Variants in CTNNA3 observed in about 807,000 individuals in gnomAD.
The protein encoded by CTNNA3 is catenin alpha 3.
In CTNNA3, 76 loss-of-function variants were observed where a neutral mutation model predicts 95.7. That is an observed-to-expected ratio of 0.79 (90% CI 0.66 to 0.96). CTNNA3 has a LOEUF of 0.96. CTNNA3 is among the 40% of genes least tolerant of loss of function. CTNNA3 has a pLI of 0.00. For missense variants in CTNNA3, 1,191 were observed against 1,089.8 expected, an observed-to-expected ratio of 1.09 and a Z score of -1.31; for synonymous variants, 431 against 374.4, an observed-to-expected ratio of 1.15 and a Z score of -1.74.
chr10:67,198,048 T>A (rs1863457853), intron 6 of CTNNA3, among the ~76,000 whole-genome samples: 1 of 152,146 alleles, frequency 6.6e-6, no homozygotes, highest in Non-Finnish European at 1.5e-5. Flanking sequence ...CTACTCAACA[T>A]CTGAAATTTG....
At chr10:67,062,644 C>T (rs1429052780) in intron 7 of CTNNA3, among the ~76,000 whole-genome samples, 2 of 152,096 alleles carry the variant, frequency 1.3e-5, no homozygotes, top group Non-Finnish European at 2.9e-5. Flanking sequence ...TTCTTCTTTG[C>T]AAATGTTCTG....
intron 5 of CTNNA3, among the ~76,000 whole-genome samples, chr10:67,351,222 A>G (rs1842626281): frequency 6.6e-6 from 1 of 151,836 alleles, no homozygotes. Flanking sequence ...TTTGACTTCA[A>G]AGGGAGAAGA....
chr10:66,364,300 T>C, intron 12 of CTNNA3, among the ~76,000 whole-genome samples: 1 of 129,608 alleles, frequency 7.7e-6, no homozygotes, highest in Non-Finnish European at 1.8e-5. Flanking sequence ...CCCAGAACTT[T>C]GGGAGGCTGA....
At chr10:67,188,543 G>C (rs755853439) in intron 6 of CTNNA3, among the ~76,000 whole-genome samples, 23 of 152,154 alleles carry the variant, frequency 1.5e-4, no homozygotes, top group Non-Finnish European at 2.6e-4. Flanking sequence ...TATGCTGCTG[G>C]TAGAAATATA....
At chr10:67,725,741 G>A (rs1250679498) in intron 1 of CTNNA3, among the ~76,000 whole-genome samples, 1 of 151,706 alleles carries the variant, frequency 6.6e-6, no homozygotes, top group African/African-American at 2.4e-5. Context: ...TGTTCTAAAT[G>A]TTAGAGGTTG....
At chr10:67,739,676 G>A (rs927722826) in intron 1 of CTNNA3, among the ~76,000 whole-genome samples, 2 of 151,996 alleles carry the variant, frequency 1.3e-5, no homozygotes, top group Non-Finnish European at 2.9e-5. Flanking sequence ...ACAAATGGAA[G>A]AACATTCCAT....
At chr10:67,312,389 A>C (rs1444473733) in intron 5 of CTNNA3, among the ~76,000 whole-genome samples, 1 of 152,200 alleles carries the variant, frequency 6.6e-6, no homozygotes, top group Admixed American at 6.5e-5. Flanking sequence ...CATTTAAAAG[A>C]AATTTGGCTT....
intron 7 of CTNNA3, chr10:67,052,577 C>T (rs1170472658): frequency 6.6e-6 from 1 of 152,150 alleles, no homozygotes; most frequent in Non-Finnish European, 1.5e-5. Flanking sequence ...GCTAACAGAT[C>T]CCATTCTTCC....
At chr10:66,964,262 C>T (rs1849279963) in intron 7 of CTNNA3, among the ~76,000 whole-genome samples, 2 of 151,436 alleles carry the variant, frequency 1.3e-5, no homozygotes, top group African/African-American at 4.9e-5. Flanking sequence ...GAGGATTCTA[C>T]ATTGAAGAGC....
At chr10:67,426,972 GTTAAC>G (rs1221637989) in intron 5 of CTNNA3, among the ~76,000 whole-genome samples, 1 of 152,050 alleles carries the variant, frequency 6.6e-6, no homozygotes. Context: ...TCAAGAGACA[GTTAAC>G]TTAATTTTGA....
chr10:67,048,606 C>T (rs1854894475), intron 7 of CTNNA3, among the ~76,000 whole-genome samples: 1 of 152,048 alleles, frequency 6.6e-6, no homozygotes, highest in Non-Finnish European at 1.5e-5. Context: ...ATGAAAATCA[C>T]TTATTCCTTT....
At chr10:67,233,961 G>C (rs555097455) in intron 5 of CTNNA3, among the ~76,000 whole-genome samples, 1 of 152,306 alleles carries the variant, frequency 6.6e-6, no homozygotes, top group South Asian at 2.1e-4. Context: ...GACTAAACCA[G>C]GAAGAAGTTG....
At chr10:66,116,751 G>A (rs776418461) in intron 13 of CTNNA3, among the ~76,000 whole-genome samples, 2 of 152,054 alleles carry the variant, frequency 1.3e-5, no homozygotes, top group Non-Finnish European at 2.9e-5. Context: ...GGCATGGCTG[G>A]GGAGGCCTCA....
intron 7 of CTNNA3, among the ~76,000 whole-genome samples, chr10:67,058,684 G>A (rs986935836): frequency 6.6e-6 from 1 of 152,034 alleles, no homozygotes; most frequent in African/African-American, 2.4e-5. Context: ...AAACATGAAG[G>A]ATAACCACAG....
rs115335285 is a variant in CTNNA3 at position 66,357,790 on chromosome 10, T to C, written c.1732+21362A>G. Among the ~76,000 whole-genome samples, 837 of 152,302 alleles carry C rather than the reference T, an allele frequency of 5.5e-3. 6 individuals are homozygous for C. Among genetic ancestry groups the C allele is most frequent in the African/African-American group, 0.019 (780 of 41,552 alleles). On this transcript the variant is annotated intron_variant, in intron 12 of 17. Transcript: ENST00000433211. ...AAGTTTTTGTGTGGGTGTATGTTTT[T>C]ATCTCTCTTAGGTATACAGATAGGA...
intron 1 of CTNNA3, among the ~76,000 whole-genome samples, chr10:67,691,813 G>A (rs1411225136): frequency 8.2e-5 from 12 of 146,476 alleles, no homozygotes; most frequent in Admixed American, 2.7e-4. Flanking sequence ...GGTGAGGGGC[G>A]CCTCTGCCCG....
chr10:66,485,921 C>T (rs367639346), intron 11 of CTNNA3, among the ~76,000 whole-genome samples: 3 of 152,164 alleles, frequency 2.0e-5, no homozygotes, highest in Middle Eastern at 3.4e-3. Context: ...AGGAATAAAC[C>T]CATGCATTTA....
At chr10:67,402,857 A>C (rs769859339) in intron 5 of CTNNA3, among the ~76,000 whole-genome samples, 26 of 152,334 alleles carry the variant, frequency 1.7e-4, no homozygotes, top group Non-Finnish European at 3.4e-4. Context: ...ATCCCTGGCA[A>C]AGGTGACTAC....
chr10:66,335,859 G>A (rs1261428985), intron 12 of CTNNA3, among the ~76,000 whole-genome samples: 1 of 152,090 alleles, frequency 6.6e-6, no homozygotes, highest in African/African-American at 2.4e-5. Flanking sequence ...AGGTCTCCTT[G>A]AGCTGTGGTG....
Sources: allele counts gnomAD v4.1 joint callset (sites outside exome capture counted in the v4.1 genomes callset), GRCh38; gene constraint gnomAD v4.1.1; transcripts MANE v1.5; gene names NCBI Gene and HGNC (gene_info 2026-07-23, HGNC 2026-07-21).